The following PDE4D variants were observed in gnomAD, a reference collection of about 807,000 sequenced individuals.
The protein encoded by PDE4D is phosphodiesterase 4D, also known as 3',5'-cyclic-AMP phosphodiesterase 4D.
PDE4D carries 24 observed loss-of-function variants against 87.4 expected under a neutral mutation model. The observed-to-expected ratio is 0.27, with a 90% CI of 0.20 to 0.39. The LOEUF (loss-of-function observed/expected upper bound fraction) is 0.39, where lower values mean the gene tolerates loss of function less well. Among genes scored for constraint, PDE4D ranks in the 10% least tolerant of loss-of-function variants. PDE4D has a pLI of 1.00. For synonymous variants in PDE4D, 384 were observed against 383.2 expected (o/e 1.00, Z -0.02); for missense variants, 714 against 1,041.0 (o/e 0.69, Z 4.32).
At chr5:59,281,902 A>G (rs149106) in intron 1 of PDE4D, among the ~76,000 whole-genome samples, 100,629 of 152,092 alleles carry the variant, frequency 0.66, 34,604 homozygotes, top group African/African-American at 0.85. Context: ...GGAAGCACAA[A>G]GTTTGAAGAT....
At chr5:59,747,969 A>G (rs1191819743) in intron 1 of PDE4D, among the ~76,000 whole-genome samples, 1 of 152,160 alleles carries the variant, frequency 6.6e-6, no homozygotes, top group Non-Finnish European at 1.5e-5. Flanking sequence ...CCCTTTGCCC[A>G]TATCTCATTT....
At chr5:60,431,856 C>T (rs1744346129) in intron 1 of PDE4D, among the ~76,000 whole-genome samples, 1 of 152,218 alleles carries the variant, frequency 6.6e-6, no homozygotes, top group African/African-American at 2.4e-5. Flanking sequence ...AGATCACTCG[C>T]GGTTAGGAGC....
At chr5:60,143,796 T>C (rs894455223) in intron 2 of PDE4D, among the ~76,000 whole-genome samples, 1 of 152,120 alleles carries the variant, frequency 6.6e-6, no homozygotes, top group Non-Finnish European at 1.5e-5. Flanking sequence ...AAAAAGACTA[T>C]TTGCTACATT....
At chr5:59,492,957 C>T (rs1379417623) in intron 1 of PDE4D, among the ~76,000 whole-genome samples, 1 of 152,128 alleles carries the variant, frequency 6.6e-6, no homozygotes, top group Non-Finnish European at 1.5e-5. Context: ...TGAGGTCTCC[C>T]CAGCCATGTG....
intron 5 of PDE4D, among the ~76,000 whole-genome samples, chr5:59,125,491 C>G (rs1204931176): frequency 1.3e-5 from 2 of 152,146 alleles, no homozygotes; most frequent in African/African-American, 4.8e-5. Context: ...AGCCTGCTCT[C>G]CAAAACACAT....
intron 1 of PDE4D, among the ~76,000 whole-genome samples, chr5:60,431,788 G>T (rs1250662245): frequency 6.6e-6 from 1 of 152,244 alleles, no homozygotes; most frequent in Non-Finnish European, 1.5e-5. Flanking sequence ...GCACCACTGA[G>T]CACTGAGTGA....
chr5:59,383,143 C>T (rs144962268), intron 1 of PDE4D, among the ~76,000 whole-genome samples: 2 of 152,212 alleles, frequency 1.3e-5, no homozygotes, highest in African/African-American at 4.8e-5. Flanking sequence ...ATTTATTTCC[C>T]GGTGTAAATT....
chr5:58,986,615 T>C (rs999438154), intron 11 of PDE4D, among the ~76,000 whole-genome samples: 5 of 152,204 alleles, frequency 3.3e-5, no homozygotes, highest in Non-Finnish European at 5.9e-5. Flanking sequence ...TGTGCGTTCC[T>C]TATGAGAATC....
intron 1 of PDE4D, among the ~76,000 whole-genome samples, chr5:59,516,301 C>T (rs1269167775): frequency 6.6e-6 from 1 of 152,156 alleles, no homozygotes; most frequent in African/African-American, 2.4e-5. Flanking sequence ...GTCACTTTCT[C>T]TGGATTTTTT....
intron 5 of PDE4D, among the ~76,000 whole-genome samples, chr5:59,082,373 G>A (rs1766917985): frequency 6.6e-6 from 1 of 152,038 alleles, no homozygotes; most frequent in Non-Finnish European, 1.5e-5. Flanking sequence ...AACCAAATAT[G>A]CTGTACAAAT....
At chr5:59,052,824 T>C (rs534414409) in intron 5 of PDE4D, among the ~76,000 whole-genome samples, 39 of 152,354 alleles carry the variant, frequency 2.6e-4, no homozygotes, top group South Asian at 4.1e-4. Context: ...AAAAATCATA[T>C]ATTCATATCT....
intron 1 of PDE4D, among the ~76,000 whole-genome samples, chr5:59,476,876 C>A (rs183740485): frequency 5.9e-5 from 9 of 152,026 alleles, no homozygotes; most frequent in Non-Finnish European, 1.5e-5. Context: ...ACATTGCTTG[C>A]AAACTACACT....
At chr5:59,059,438 G>T (rs138047722) in intron 5 of PDE4D, among the ~76,000 whole-genome samples, 27 of 152,278 alleles carry the variant, frequency 1.8e-4, no homozygotes, top group African/African-American at 6.3e-4. Context: ...GAACAAGCAC[G>T]GTAATTCTCT....
chr5:60,232,525 A>C (rs759314941), intron 1 of PDE4D, among the ~76,000 whole-genome samples: 10 of 151,924 alleles, frequency 6.6e-5, no homozygotes, highest in Non-Finnish European at 1.0e-4. Context: ...TTGAGACATC[A>C]AGAAAGATGT....
intron 1 of PDE4D, among the ~76,000 whole-genome samples, chr5:60,425,602 C>T (rs897024815): frequency 6.6e-6 from 1 of 152,092 alleles, no homozygotes; most frequent in African/African-American, 2.4e-5. Flanking sequence ...TAGGCAATAC[C>T]ATTCAGGACA....
chr5:59,865,778 A>G (rs1268143896), intron 1 of PDE4D, among the ~76,000 whole-genome samples: 1 of 152,194 alleles, frequency 6.6e-6, no homozygotes, highest in Non-Finnish European at 1.5e-5. Context: ...GATTTCATGT[A>G]CATTATTTTA....
chr5:59,552,281 C>T (rs1818249885), intron 1 of PDE4D, among the ~76,000 whole-genome samples: 1 of 152,002 alleles, frequency 6.6e-6, no homozygotes, highest in Non-Finnish European at 1.5e-5. Flanking sequence ...TATAAAAAAG[C>T]TAATAGCTTT....
At chr5:60,202,917 A>T (rs999712436) in intron 1 of PDE4D, among the ~76,000 whole-genome samples, 1 of 152,240 alleles carries the variant, frequency 6.6e-6, no homozygotes, top group Non-Finnish European at 1.5e-5. Context: ...GTATGAAAAA[A>T]AGACACATGG....
At chr5:59,366,392 T>C (rs1048931608) in intron 1 of PDE4D, among the ~76,000 whole-genome samples, 5 of 152,194 alleles carry the variant, frequency 3.3e-5, no homozygotes, top group Admixed American at 6.5e-5. Flanking sequence ...GGATAAAAAG[T>C]AAATCTAAAG....
Sources: gnomAD v4.1 joint callset for allele counts (sites outside exome capture counted in the v4.1 genomes callset) on GRCh38, gnomAD v4.1.1 for gene constraint, MANE v1.5 for transcripts, NCBI Gene and HGNC (gene_info 2026-07-23, HGNC 2026-07-21) for gene names.